MCM6: variants seen among roughly 807,000 people sequenced by gnomAD.
The protein encoded by MCM6 is DNA replication licensing factor MCM6.
MCM6 carries 46 observed loss-of-function variants against 94.3 expected under a neutral mutation model. The ratio of observed to expected loss-of-function variants is 0.49; its 90% CI spans 0.39 to 0.62. The LOEUF (loss-of-function observed/expected upper bound fraction) is 0.62. Ranked by LOEUF, MCM6 falls within the 20% of genes least tolerant of loss-of-function variation. The pLI is 0.00. For synonymous variants in MCM6, 335 were observed against 351.9 expected, an observed-to-expected ratio of 0.95 and a Z score of 0.54; for missense variants, 865 against 1,017.9, an observed-to-expected ratio of 0.85 and a Z score of 2.04.
rs376372188 is a variant in MCM6 at position 135,840,610 on chromosome 2, A to C, written c.*225T>G. ...CTACACATTATTTGGTTCCAACTTC[A>C]CTGGGACAGGAAACACACCAAAGGA... is the stretch of plus-strand genomic sequence containing the variant. On this transcript the variant is annotated 3_prime_UTR_variant, in exon 17 of 17. Coordinates refer to ENST00000264156, the MANE Select transcript of MCM6 (RefSeq NM_005915.6). The C allele has an allele frequency of 2.2e-5, 11 of 498,070 alleles. No homozygotes were observed. Among genetic ancestry groups the C allele is most frequent in the African/African-American group, 1.9e-4 (10 of 51,896 alleles). The allele number at this position is 498,070 out of a possible 1,614,324, so 30.9% of individuals were successfully genotyped here.
chr2:135,843,560 C>G (rs984375530), intron 16 of MCM6, among the ~76,000 whole-genome samples: 1 of 151,658 alleles, frequency 6.6e-6, no homozygotes, highest in Non-Finnish European at 1.5e-5. Context: ...TGGCAAAACC[C>G]CATCTCTACT....
intron 14 of MCM6, among the ~76,000 whole-genome samples, chr2:135,847,313 G>C (rs1041675123): frequency 1.3e-5 from 2 of 152,126 alleles, no homozygotes; most frequent in Non-Finnish European, 2.9e-5. Flanking sequence ...CTATTAGAGA[G>C]GATAGGGAGA....
intron 9 of MCM6, 55 bp from the exon 10 acceptor site, chr2:135,858,059 T>G: frequency 6.7e-7 from 1 of 1,499,440 alleles, no homozygotes; most frequent in Non-Finnish European, 9.3e-7. Flanking sequence ...GATGCATGGC[T>G]CACACTTGTA....
intron 11 of MCM6, among the ~76,000 whole-genome samples, chr2:135,854,467 T>G (rs1204036352): frequency 7.6e-6 from 1 of 130,938 alleles, no homozygotes; most frequent in African/African-American, 2.9e-5. Flanking sequence ...GAGGCGGAGG[T>G]TGCAGTGAGG....
At chr2:135,845,724 T>C (rs1181212905) in intron 15 of MCM6, among the ~76,000 whole-genome samples, 1 of 152,248 alleles carries the variant, frequency 6.6e-6, no homozygotes, top group Non-Finnish European at 1.5e-5. Flanking sequence ...GATAAAACTT[T>C]GAATAGCATG....
In MCM6 at chr2:135,866,253, C is replaced by T. The variant is rs145558494; in HGVS notation, c.806G>A (p.Arg269His). 16 of 1,613,976 alleles carry T rather than the reference C, an allele frequency of 9.9e-6. No homozygotes were observed. Among genetic ancestry groups the T allele is most frequent in the African/African-American group, 9.3e-5 (7 of 74,910 alleles). Reference sequence around the variant, plus strand: ...CTCATATCCATCAACACCACTGACACGGGAATTAGTTTCTGCACGTGCTCC... The same window carrying T: ...CTCATATCCATCAACACCACTGACATGGGAATTAGTTTCTGCACGTGCTCC... ...TPGARAETNS[R>H]VSGVDGYETE... Residue 269 changes from arginine to histidine, a missense_variant, in exon 6 of 17, where the codon CGT becomes CAT. Physicochemically the swap from Arg to His is conservative, Grantham distance 29 (BLOSUM62 0). Around this residue, in one of 3 missense-constraint regions of MCM6, gnomAD observed 404 missense variants for 451.9 expected, o/e 0.89. Transcript: ENST00000264156.
intron 15 of MCM6, among the ~76,000 whole-genome samples, chr2:135,844,885 C>T (rs1185350903): frequency 6.6e-6 from 1 of 152,120 alleles, no homozygotes; most frequent in South Asian, 2.1e-4. Flanking sequence ...TTAAAGCATG[C>T]CTTATTTTAT....
chr2:135,852,869 C>A lies in MCM6; in HGVS notation c.1673G>T (p.Arg558Ile). The change falls in exon 12 of 17, where the codon AGA (arginine) becomes ATA (isoleucine). Residue 558 changes from arginine (R) to isoleucine (I), a missense_variant. Physicochemically the swap from Arg to Ile is moderately conservative, Grantham distance 97 (BLOSUM62 -3). Transcript: ENST00000264156. ...GACACGATCAATTGATTCCTCAATT[C>A]TTGAATGCAAATCTACTATGCGCCT... The part of the protein sequence containing the change: ...IARRIVDLHS[R>I]IEESIDRVYS... 3 of 1,610,160 alleles carry A rather than the reference C, an allele frequency of 1.9e-6. No homozygotes were observed. Among genetic ancestry groups the A allele is most frequent in the African/African-American group, 1.3e-5 (1 of 74,776 alleles).
At chr2:135,868,508 A>G (rs3769001) in intron 4 of MCM6, 103 bp downstream of exon 4, 194,296 of 1,192,770 alleles carry the variant, frequency 0.16, 19,576 homozygotes, top group Middle Eastern at 0.41. Flanking sequence ...CTTAACTTAC[A>G]TAAAAATTGA....
At chr2:135,853,834 A>T (rs891456574) in intron 11 of MCM6, among the ~76,000 whole-genome samples, 11 of 152,258 alleles carry the variant, frequency 7.2e-5, no homozygotes, top group Admixed American at 2.0e-4. Context: ...CAAACAGGGT[A>T]AAATGTTATT....
rs977812680 is a variant in MCM6 at position 135,862,510 on chromosome 2, T to G, written c.1220+97A>C. On this transcript the variant is annotated intron_variant, in intron 8 of 16. Transcript: ENST00000264156. ...TATTCAACATAGTCATAATTTACAC[T>G]CCTAGTAAGGCCATACTGACTGCAT... 48 of 1,262,864 alleles carry G rather than the reference T, an allele frequency of 3.8e-5. No homozygotes were observed. The African/African-American group carries it at 6.6e-4, about 17-fold the overall frequency. 78.2% of individuals were successfully genotyped at this position (1,262,864 alleles called of 1,614,324 possible). A position where few individuals can be genotyped will look rare whatever the true frequency, so the allele number is the denominator to read the frequency against.
At chr2:135,852,584 G>A (rs1294460635) in intron 12 of MCM6, among the ~76,000 whole-genome samples, 2 of 150,952 alleles carry the variant, frequency 1.3e-5, no homozygotes, top group Non-Finnish European at 2.9e-5. Flanking sequence ...ACAAATAATG[G>A]AATTATTCAG....
intron 3 of MCM6, 24 bp from the exon 4 acceptor site, chr2:135,868,884 T>A (rs1223201062): frequency 6.2e-7 from 1 of 1,605,856 alleles, no homozygotes; most frequent in Admixed American, 1.7e-5. Context: ...AATGTCCCAT[T>A]AGTAAACATT....
intron 9 of MCM6, among the ~76,000 whole-genome samples, chr2:135,858,621 A>G (rs1417741194): frequency 1.3e-5 from 2 of 152,216 alleles, no homozygotes; most frequent in African/African-American, 4.8e-5. Context: ...TCTAAGGAAG[A>G]TAATTCAACA....
At chr2:135,844,239 A>G (rs1679631323) in intron 16 of MCM6, among the ~76,000 whole-genome samples, 2 of 152,172 alleles carry the variant, frequency 1.3e-5, no homozygotes, top group African/African-American at 4.8e-5. Context: ...TGAAACATAG[A>G]AAGTAGGTGA....
At chr2:135,869,034 T>C (rs1680153300) in intron 3 of MCM6, among the ~76,000 whole-genome samples, 174 bp from the exon 4 acceptor site, 1 of 152,082 alleles carries the variant, frequency 6.6e-6, no homozygotes, top group East Asian at 1.9e-4. Flanking sequence ...AATCCTAAAT[T>C]ATATGACGTA....
At chr2:135,865,231 A>G in intron 6 of MCM6, 68 bp from the exon 7 acceptor site, 1 of 1,167,894 alleles carries the variant, frequency 8.6e-7, no homozygotes. Context: ...AGGAGAAGAA[A>G]CTTCATTACA....
rs1252766849 is a variant in MCM6, at chr2:135,868,871, A to G, written c.366-11T>C. The G allele has an allele frequency of 6.2e-7, 1 of 1,611,718 alleles. No individual in the cohort carries two copies. The highest frequency in any genetic ancestry group is 1.7e-5 in the Admixed American group (1 of 59,994). Reference sequence around the variant, plus strand: ...GTGAGCTCTCGAATCCTGTTTAAAGACAAATGTCCCATTAGTAAACATTCA... The same window carrying G: ...GTGAGCTCTCGAATCCTGTTTAAAGGCAAATGTCCCATTAGTAAACATTCA... On this transcript the variant is annotated splice_polypyrimidine_tract_variant and intron_variant, in intron 3 of 16. Transcript: ENST00000264156.
At chr2:135,867,305 A>C (rs568142720) in intron 4 of MCM6, among the ~76,000 whole-genome samples, 1 of 152,194 alleles carries the variant, frequency 6.6e-6, no homozygotes, top group Admixed American at 6.5e-5. Flanking sequence ...ATAAAATTAC[A>C]TATCTTCTAT....
Sources: gnomAD v4.1 joint callset for allele counts (sites outside exome capture counted in the v4.1 genomes callset) on GRCh38, gnomAD v4.1.1 for gene constraint, gnomAD v4.1.1 regional missense constraint, MANE v1.5 for transcripts, NCBI Gene and HGNC (gene_info 2026-07-23, HGNC 2026-07-21) for gene names.